The following SOX5 variants were observed in gnomAD, a reference collection of about 807,000 sequenced individuals.
SOX5 encodes the protein SRY-box transcription factor 5.
SOX5 carries 9 observed loss-of-function variants against 92.0 expected under a neutral mutation model. The observed-to-expected ratio is 0.10, with a 90% CI of 0.06 to 0.17. The LOEUF (loss-of-function observed/expected upper bound fraction) is 0.17. SOX5 is among the 10% of genes least tolerant of loss of function. The pLI is 1.00. For synonymous variants in SOX5, 344 were observed against 336.3 expected, an observed-to-expected ratio of 1.02 and a Z score of -0.25; for missense variants, 642 against 944.5, an observed-to-expected ratio of 0.68 and a Z score of 4.20.
chr12:23,560,543 C>T lies in SOX5; in HGVS notation c.1488+2715G>A, dbSNP rs539699215. On this transcript the variant is annotated intron_variant, in intron 11 of 14. Transcript: ENST00000451604. The stretch of plus-strand genomic sequence containing the variant: ...AGCAATATGGAGTCTTTATTCAATT[C>T]CTATAGGTGGGCTCACACACATAAA... Among the ~76,000 whole-genome samples, 7 of 152,218 alleles carry T rather than the reference C, an allele frequency of 4.6e-5. No individual in the cohort carries two copies. The South Asian group carries it at 1.2e-3, about 27-fold the overall frequency.
chr12:24,343,118 A>G (rs1054366129), intron 2 of SOX5, among the ~76,000 whole-genome samples: 3 of 152,252 alleles, frequency 2.0e-5, no homozygotes, highest in Non-Finnish European at 4.4e-5. Context: ...TTATGGATCT[A>G]AAGTATCTGC....
At chr12:23,771,678 T>G (rs1364308885) in intron 3 of SOX5, among the ~76,000 whole-genome samples, 1 of 152,224 alleles carries the variant, frequency 6.6e-6, no homozygotes, top group African/African-American at 2.4e-5. Flanking sequence ...AAAAGGTTAA[T>G]ACAGTGTCAC....
intron 2 of SOX5, among the ~76,000 whole-genome samples, chr12:23,854,901 G>T (rs549174610): frequency 3.9e-5 from 6 of 152,002 alleles, no homozygotes; most frequent in Non-Finnish European, 8.8e-5. Flanking sequence ...ATGAGCTGGG[G>T]TATTACATAA....
At chr12:24,301,906 T>G (rs1275692463) in intron 2 of SOX5, among the ~76,000 whole-genome samples, 2 of 152,156 alleles carry the variant, frequency 1.3e-5, no homozygotes, top group Non-Finnish European at 2.9e-5. Flanking sequence ...AGCAACTACA[T>G]CAGTTCTGAT....
intron 9 of SOX5, among the ~76,000 whole-genome samples, chr12:23,602,809 T>C (rs1052882278): frequency 4.6e-5 from 7 of 152,064 alleles, no homozygotes; most frequent in Admixed American, 3.3e-4. Context: ...AACACTAAAA[T>C]TATCACTACT....
chr12:23,682,195 C>T (rs1026737459), intron 6 of SOX5, among the ~76,000 whole-genome samples: 10 of 151,680 alleles, frequency 6.6e-5, no homozygotes, highest in South Asian at 4.2e-4. Context: ...AAAGCAAGAT[C>T]GAACAGATTT....
chr12:24,124,558 G>T (rs1285037018), intron 4 of SOX5, among the ~76,000 whole-genome samples: 2 of 100,460 alleles, frequency 2.0e-5, no homozygotes, highest in Admixed American at 2.5e-4. Context: ...CTTGAGGAAT[G>T]GGACAAAAAA....
At chr12:24,495,098 C>G (rs1947484699) in intron 1 of SOX5, among the ~76,000 whole-genome samples, 1 of 152,068 alleles carries the variant, frequency 6.6e-6, no homozygotes, top group Admixed American at 6.5e-5. Flanking sequence ...TTCAATGAAC[C>G]ATTGTCAAAT....
In SOX5 at chr12:24,404,296, C is replaced by T. The variant is rs553594706; in HGVS notation, c.-250-35657G>A. On this transcript the variant is annotated intron_variant, in intron 1 of 4. Coordinates refer to the SOX5 transcript ENST00000446891. The stretch of plus-strand genomic sequence containing the variant: ...AGATAGGAATATAGGTCAAAAGCAC[C>T]AAAAAAATGCAAACCACAAGTCATA... Among the ~76,000 whole-genome samples, 4 of 152,066 alleles carry T rather than the reference C, an allele frequency of 2.6e-5. No homozygotes were observed. The East Asian group carries it at 7.7e-4, about 29-fold the overall frequency.
chr12:23,600,277 T>A (rs1953232717), intron 9 of SOX5, among the ~76,000 whole-genome samples: 1 of 152,012 alleles, frequency 6.6e-6, no homozygotes, highest in Non-Finnish European at 1.5e-5. Context: ...ACATAGCTGT[T>A]AGGACACACA....
chr12:24,372,332 G>A (rs1223167216), intron 1 of SOX5, among the ~76,000 whole-genome samples: 2 of 152,058 alleles, frequency 1.3e-5, no homozygotes, highest in African/African-American at 4.8e-5. Context: ...CTACTCCTGT[G>A]TCCATGTGTT....
At chr12:23,794,228 A>C (rs774976394) in intron 3 of SOX5, among the ~76,000 whole-genome samples, 1 of 151,140 alleles carries the variant, frequency 6.6e-6, no homozygotes, top group Non-Finnish European at 1.5e-5. Context: ...GAACAGAAAA[A>C]TAAGTATTTA....
At chr12:24,055,141 T>TG (rs1457780252) in intron 4 of SOX5, among the ~76,000 whole-genome samples, 4 of 152,198 alleles carry the variant, frequency 2.6e-5, no homozygotes, top group South Asian at 2.1e-4. Flanking sequence ...TCTTTTAGTT[T>TG]GGGAAAAAAG....
intron 4 of SOX5, among the ~76,000 whole-genome samples, chr12:24,146,122 T>A (rs2138740953): frequency 6.6e-6 from 1 of 152,278 alleles, no homozygotes; most frequent in South Asian, 2.1e-4. Flanking sequence ...AATTTGAAGA[T>A]TATTGACCAT....
At chr12:23,671,901 T>C (rs939025029) in intron 6 of SOX5, among the ~76,000 whole-genome samples, 1 of 152,106 alleles carries the variant, frequency 6.6e-6, no homozygotes, top group Admixed American at 6.6e-5. Context: ...GCCATGTGGA[T>C]TTTTTACATA....
rs573501475 is a variant in SOX5, at chr12:23,968,064, C to T, written c.-1-72040G>A. Among the ~76,000 whole-genome samples the T allele has an allele frequency of 2.6e-5, 4 of 152,266 alleles. No individual in the cohort carries two copies. In the East Asian group the frequency reaches 5.8e-4, roughly 22 times the overall value. Reference sequence around the variant, plus strand: ...CATTATAAAGAATAGGGCACACAATCAGAGATAGTAATTTGCCAAAAGTCA... The same window carrying T: ...CATTATAAAGAATAGGGCACACAATTAGAGATAGTAATTTGCCAAAAGTCA... On this transcript the variant is annotated intron_variant, in intron 4 of 4. Transcript: ENST00000446891.
At chr12:24,509,897 C>G (rs1042556095) in intron 1 of SOX5, among the ~76,000 whole-genome samples, 1 of 152,190 alleles carries the variant, frequency 6.6e-6, no homozygotes, top group Non-Finnish European at 1.5e-5. Flanking sequence ...AATCTATTTA[C>G]AGTCATAAAG....
chr12:24,226,512 C>T (rs1962021440), intron 3 of SOX5, among the ~76,000 whole-genome samples: 1 of 152,054 alleles, frequency 6.6e-6, no homozygotes, highest in Non-Finnish European at 1.5e-5. Flanking sequence ...ACTCTATCCC[C>T]CAGGCTGGAG....
intron 4 of SOX5, among the ~76,000 whole-genome samples, chr12:24,034,955 C>T (rs1955873954): frequency 6.6e-6 from 1 of 152,096 alleles, no homozygotes; most frequent in Non-Finnish European, 1.5e-5. Context: ...ACCATATTAA[C>T]TGTGGGTCTC....
Sources: gnomAD v4.1 joint callset for allele counts (sites outside exome capture counted in the v4.1 genomes callset) on GRCh38, gnomAD v4.1.1 for gene constraint, MANE v1.5 for transcripts, NCBI Gene and HGNC (gene_info 2026-07-23, HGNC 2026-07-21) for gene names.